FOXP1: variants seen among roughly 807,000 people sequenced by gnomAD.
FOXP1 encodes forkhead box protein P1.
FOXP1 carries 15 observed loss-of-function variants against 98.2 expected under a neutral mutation model. The ratio of observed to expected loss-of-function variants is 0.15; its 90% confidence interval spans 0.10 to 0.24. The LOEUF is 0.24. FOXP1 is among the 10% of genes least tolerant of loss of function. The pLI, the probability that FOXP1 is intolerant of heterozygous loss-of-function variation, is 1.00. For missense variants in FOXP1, 633 were observed against 848.5 expected (o/e 0.75, Z 3.15); for synonymous variants, 371 against 314.5 (o/e 1.18, Z -1.90).
chr3:71,397,069 T>C (rs56097956), intron 3 of FOXP1, among the ~76,000 whole-genome samples: 828 of 40,560 alleles, frequency 0.02, 143 homozygotes, highest in Non-Finnish European at 0.037. Context: ...TGTGTATATA[T>C]ATATACATAT....
intron 5 of FOXP1, among the ~76,000 whole-genome samples, chr3:71,209,990 T>G (rs2064331958): frequency 6.6e-6 from 1 of 152,186 alleles, no homozygotes. Context: ...CAGTGCAAAG[T>G]GCAGCAAAAC....
At chr3:71,208,691 C>T (rs2064232377) in intron 5 of FOXP1, among the ~76,000 whole-genome samples, 1 of 152,094 alleles carries the variant, frequency 6.6e-6, no homozygotes, top group South Asian at 2.1e-4. Flanking sequence ...TGAACAAACA[C>T]ATCATCTTAC....
At chr3:71,047,838 C>T (rs1003117993) in intron 9 of FOXP1, among the ~76,000 whole-genome samples, 3 of 152,150 alleles carry the variant, frequency 2.0e-5, no homozygotes, top group African/African-American at 7.2e-5. Context: ...AAAGAAGGGG[C>T]TTTACGATAT....
intron 7 of FOXP1, among the ~76,000 whole-genome samples, chr3:71,057,725 C>T (rs773701471): frequency 2.0e-5 from 3 of 152,058 alleles, no homozygotes; most frequent in African/African-American, 2.4e-5. Flanking sequence ...AAGAGGAAAT[C>T]ATGAATTAAA....
At chr3:71,130,299 G>A (rs1306119676) in intron 6 of FOXP1, among the ~76,000 whole-genome samples, 1 of 152,102 alleles carries the variant, frequency 6.6e-6, no homozygotes, top group Non-Finnish European at 1.5e-5. Context: ...TAAACAAGGA[G>A]TTAGAAGGAA....
At chr3:71,142,380 T>G (rs150356484) in intron 6 of FOXP1, among the ~76,000 whole-genome samples, 203 of 152,268 alleles carry the variant, frequency 1.3e-3, no homozygotes, top group Non-Finnish European at 2.6e-3. Flanking sequence ...TGGATGTAAT[T>G]AAGGTCCCAA....
At chr3:71,098,177 A>G (rs559394722) in intron 7 of FOXP1, among the ~76,000 whole-genome samples, 1 of 152,302 alleles carries the variant, frequency 6.6e-6, no homozygotes, top group South Asian at 2.1e-4. Context: ...AAGTAAACCA[A>G]TTCCTTTCAA....
chr3:70,971,338 C>T (rs1051463247), intron 18 of FOXP1: 6 of 167,174 alleles, frequency 3.6e-5, no homozygotes, highest in Admixed American at 2.3e-4. Context: ...AGGGGAGGGT[C>T]GTTCCTAAAT....
chr3:71,051,785 C>G (rs1006884473), intron 9 of FOXP1, among the ~76,000 whole-genome samples: 1 of 152,156 alleles, frequency 6.6e-6, no homozygotes, highest in African/African-American at 2.4e-5. Flanking sequence ...CCACGCAGAA[C>G]TGAATAGAAG....
chr3:71,297,153 G>T (rs1368873699), intron 5 of FOXP1, among the ~76,000 whole-genome samples: 2 of 152,236 alleles, frequency 1.3e-5, no homozygotes, highest in Non-Finnish European at 2.9e-5. Context: ...TAGAGACTGA[G>T]CATATAAAAT....
At chr3:71,514,744 G>A (rs562482839) in intron 2 of FOXP1, among the ~76,000 whole-genome samples, 72 of 152,274 alleles carry the variant, frequency 4.7e-4, no homozygotes, top group African/African-American at 1.6e-3. Flanking sequence ...CCACAGTTCT[G>A]TGACCTGCAT....
intron 4 of FOXP1, among the ~76,000 whole-genome samples, chr3:71,324,078 T>C (rs1487218722): frequency 1.3e-5 from 2 of 151,778 alleles, no homozygotes; most frequent in African/African-American, 4.8e-5. Context: ...ATACATTAAA[T>C]ATATAAAATT....
intron 7 of FOXP1, among the ~76,000 whole-genome samples, chr3:71,066,627 T>C (rs565340736): frequency 4.6e-5 from 7 of 152,294 alleles, no homozygotes; most frequent in African/African-American, 1.4e-4. Flanking sequence ...CTCCAACCAA[T>C]GTACAGGGAG....
intron 11 of FOXP1, among the ~76,000 whole-genome samples, chr3:71,038,673 TTTAA>T (rs2047936045): frequency 6.6e-6 from 1 of 152,100 alleles, no homozygotes; most frequent in African/African-American, 2.4e-5. Flanking sequence ...TTTTTTTTTT[TTTAA>T]TTAAGAGACA....
In FOXP1 at chr3:71,052,817, C is replaced by G. The variant is rs145823019; in HGVS notation, c.421-191G>C. ...TTGGCATTATTGTTTGAAAAGTAAT[C>G]TCCAAAATGAACTGATGAAAAACAT... On this transcript the variant is annotated intron_variant, in intron 8 of 20. Transcript: ENST00000649528. Among the ~76,000 whole-genome samples, 30 of 152,296 alleles carry G rather than the reference C, an allele frequency of 2.0e-4. No homozygotes were observed. In the East Asian group the frequency reaches 4.6e-3, roughly 23 times the overall value.
At chr3:71,172,977 G>A (rs1017103957) in intron 6 of FOXP1, among the ~76,000 whole-genome samples, 1 of 152,180 alleles carries the variant, frequency 6.6e-6, no homozygotes, top group African/African-American at 2.4e-5. Context: ...CGTATCCAGA[G>A]GCTCAAAGAG....
intron 7 of FOXP1, among the ~76,000 whole-genome samples, chr3:71,067,731 T>TACACACACACACAC (rs6147878): frequency 0.21 from 26,243 of 126,356 alleles, 3,415 homozygotes; most frequent in Admixed American, 0.29. Context: ...TCTCCAAAAA[T>TACACACACACACAC]ACACACACAC....
At chr3:71,539,926 A>G (rs1208777512) in intron 2 of FOXP1, among the ~76,000 whole-genome samples, 1 of 152,236 alleles carries the variant, frequency 6.6e-6, no homozygotes, top group African/African-American at 2.4e-5. Context: ...GAGCACAAAT[A>G]GTGTCTGTCT....
rs760387950 is a variant in FOXP1 at position 70,973,907 on chromosome 3, C to T, written c.1531-1231G>A. Among the ~76,000 whole-genome samples, 11 of 141,794 alleles carry T rather than the reference C, an allele frequency of 7.8e-5. No homozygotes were observed. In the East Asian group the frequency reaches 1.1e-3, roughly 14 times the overall value. The allele number at this position is 141,794 out of a possible 152,430, so 93.0% of individuals were successfully genotyped here. On this transcript the variant is annotated intron_variant, in intron 17 of 20. Coordinates refer to ENST00000649528, the MANE Select transcript of FOXP1 (RefSeq NM_001349338.3). ...TATTTCCTTCCTGAATTATCCTTAA[C>T]GGTGGTGAATCTTGATACTCTGAGA...
Sources: gnomAD v4.1 joint callset for allele counts (sites outside exome capture counted in the v4.1 genomes callset) on GRCh38, gnomAD v4.1.1 for gene constraint, MANE v1.5 for transcripts, NCBI Gene and HGNC (gene_info 2026-07-23, HGNC 2026-07-21) for gene names.